Variants in EPS15 observed in about 807,000 individuals in gnomAD.
EPS15 encodes epidermal growth factor receptor substrate 15.
A neutral mutation model predicts 113.8 loss-of-function variants in EPS15; 72 were observed. The ratio of observed to expected loss-of-function variants is 0.63; its 90% confidence interval spans 0.52 to 0.77. The LOEUF (loss-of-function observed/expected upper bound fraction) is 0.77. Among genes scored for constraint, EPS15 ranks in the 30% least tolerant of loss-of-function variants. EPS15 has a pLI of 0.00. For synonymous variants in EPS15, 344 were observed against 363.4 expected, an observed-to-expected ratio of 0.95 and a Z score of 0.61; for missense variants, 1,048 against 1,045.8, an observed-to-expected ratio of 1.00 and a Z score of -0.03.
At chr1:51,473,026 T>C in intron 2 of EPS15, 78 bp from the exon 3 acceptor site, 3 of 1,097,876 alleles carry the variant, frequency 2.7e-6, no homozygotes, top group East Asian at 2.4e-5. Context: ...CTTCCATCCC[T>C]GTGATTTGGG....
intron 1 of EPS15, among the ~76,000 whole-genome samples, chr1:51,483,818 CAG>C (rs923922272): frequency 2.0e-5 from 3 of 150,538 alleles, no homozygotes; most frequent in African/African-American, 7.3e-5. Context: ...AAAAAAAAGG[CAG>C]AGTCAGACGG....
intron 7 of EPS15, among the ~76,000 whole-genome samples, chr1:51,462,898 A>G (rs533685651): frequency 0.064 from 7,255 of 112,660 alleles, 229 homozygotes; most frequent in Middle Eastern, 0.11. Context: ...TTTTTTTTCT[A>G]AGACAGTCTT....
chr1:51,467,993 C>A (rs1418457778), intron 5 of EPS15, among the ~76,000 whole-genome samples: 8 of 151,984 alleles, frequency 5.3e-5, no homozygotes, highest in African/African-American at 1.5e-4. Flanking sequence ...GGGTCTTAAA[C>A]CATCAACCAA....
At chr1:51,501,820 G>C (rs531743536) in intron 1 of EPS15, among the ~76,000 whole-genome samples, 20 of 152,204 alleles carry the variant, frequency 1.3e-4, no homozygotes, top group Admixed American at 5.9e-4. Context: ...CCATGCAAAA[G>C]GCTAAGTGAA....
intron 13 of EPS15, among the ~76,000 whole-genome samples, chr1:51,413,134 C>CCTAT (rs1416764157): frequency 6.6e-6 from 1 of 152,116 alleles, no homozygotes; most frequent in Admixed American, 6.6e-5. Flanking sequence ...TTTCAATGAC[C>CCTAT]CTATGCCTTT....
intron 21 of EPS15, among the ~76,000 whole-genome samples, chr1:51,376,105 A>G (rs1475493659): frequency 2.6e-5 from 4 of 152,240 alleles, no homozygotes; most frequent in African/African-American, 9.6e-5. Context: ...TGTCATAGCT[A>G]AAGAGAAGTC....
At chr1:51,445,095 AGTCC>A in intron 10 of EPS15, 50 bp from the exon 11 acceptor site, 1 of 1,538,496 alleles carries the variant, frequency 6.5e-7, no homozygotes, top group Admixed American at 2.0e-5. Context: ...AACTGCAAAA[AGTCC>A]AGAGAAAAAG....
chr1:51,480,579 A>G (rs1644002752), intron 2 of EPS15, among the ~76,000 whole-genome samples: 1 of 152,204 alleles, frequency 6.6e-6, no homozygotes, highest in African/African-American at 2.4e-5. Context: ...CAATGGCACG[A>G]TCTTGGCTCA....
At chr1:51,443,431 T>A (rs1245729625) in intron 11 of EPS15, among the ~76,000 whole-genome samples, 1 of 152,024 alleles carries the variant, frequency 6.6e-6, no homozygotes, top group Non-Finnish European at 1.5e-5. Context: ...CTGGGTGGCA[T>A]CACTTTCAGC....
At chr1:51,374,987 A>C (rs750906367) in intron 21 of EPS15, among the ~76,000 whole-genome samples, 4 of 146,686 alleles carry the variant, frequency 2.7e-5, no homozygotes, top group Non-Finnish European at 6.0e-5. Context: ...TAAAATATTT[A>C]ATATACTTCT....
At chr1:51,458,663 G>T in intron 8 of EPS15, 1 of 396,076 alleles carries the variant, frequency 2.5e-6, no homozygotes, top group Non-Finnish European at 5.2e-6. Flanking sequence ...CTTGAATCCA[G>T]GAGGCCGAGG....
chr1:51,363,343 C>A, intron 23 of EPS15, among the ~76,000 whole-genome samples: 1 of 150,046 alleles, frequency 6.7e-6, no homozygotes, highest in African/African-American at 2.5e-5. Context: ...AGCTAAAATA[C>A]CATTTTCCTT....
intron 1 of EPS15, among the ~76,000 whole-genome samples, chr1:51,482,423 G>A (rs1005651556): frequency 3.9e-5 from 6 of 152,110 alleles, no homozygotes; most frequent in African/African-American, 1.2e-4. Context: ...GGGATAGGGA[G>A]ATAAGATTAT....
In EPS15 at chr1:51,467,823, C is replaced by T. The variant is rs574417643; in HGVS notation, c.309+650G>A. ...AATGCCTGATGATGTGGAACAGTTTCGTTCTGAAACCATCCATCCCTCCCA... is the reference window on the plus strand; with the variant it reads ...AATGCCTGATGATGTGGAACAGTTTTGTTCTGAAACCATCCATCCCTCCCA... On this transcript the variant is annotated intron_variant, in intron 5 of 24. Coordinates refer to ENST00000371733, the MANE Select transcript of EPS15 (RefSeq NM_001981.3). Among the ~76,000 whole-genome samples the T allele has an allele frequency of 7.9e-5, 12 of 152,206 alleles. No individual in the cohort carries two copies. The East Asian group carries it at 2.1e-3, about 27-fold the overall frequency.
chr1:51,404,097 A>G (rs1219919373), intron 16 of EPS15, among the ~76,000 whole-genome samples: 1 of 152,090 alleles, frequency 6.6e-6, no homozygotes, highest in East Asian at 1.9e-4. Flanking sequence ...CTGTAATCCC[A>G]GCACTTTGGG....
At chr1:51,415,796 CAAAAAAAAAAAA>C (rs55806131) in intron 13 of EPS15, among the ~76,000 whole-genome samples, 7 of 21,964 alleles carry the variant, frequency 3.2e-4, no homozygotes, top group Admixed American at 8.8e-4. Flanking sequence ...AACTCCGTCT[CAAAAAAAAAAAA>C]AAAAAAAAAA....
At chr1:51,406,189 T>G in intron 15 of EPS15, 81 bp from the exon 16 acceptor site, 1 of 1,194,664 alleles carries the variant, frequency 8.4e-7, no homozygotes, top group Non-Finnish European at 1.2e-6. Flanking sequence ...CTCCACTTCC[T>G]GACGGGCTAG....
intron 11 of EPS15, among the ~76,000 whole-genome samples, chr1:51,444,207 G>A (rs1161576592): frequency 3.3e-5 from 5 of 152,122 alleles, no homozygotes; most frequent in Non-Finnish European, 5.9e-5. Flanking sequence ...CCTTTCAAAG[G>A]TCTATTAAAG....
At position 51,519,187 on chromosome 1, in the gene EPS15, G is replaced by A. The variant is rs760620668; in HGVS notation, c.33+12C>T. ...GGCCGGCCAAGCCCGGCGGACGGGC[G>A]TGTGGCGTTACCTGTGTCAGAGAGA... On this transcript the variant is annotated intron_variant, in intron 1 of 24. Coordinates refer to ENST00000371733, the MANE Select transcript of EPS15 (RefSeq NM_001981.3). 5 of 1,442,776 alleles carry A rather than the reference G, an allele frequency of 3.5e-6. No individual in the cohort carries two copies. The East Asian group carries it at 1.1e-4, about 32-fold the overall frequency. 89.4% of individuals were successfully genotyped at this position (1,442,776 alleles called of 1,614,324 possible).
Sources: gnomAD v4.1 joint callset for allele counts (sites outside exome capture counted in the v4.1 genomes callset) on GRCh38, gnomAD v4.1.1 for gene constraint, MANE v1.5 for transcripts, NCBI Gene and HGNC (gene_info 2026-07-23, HGNC 2026-07-21) for gene names.